Variants in NEK10 observed in about 807,000 individuals in gnomAD.
NEK10 encodes the protein NIMA related kinase 10, also known as serine/threonine-protein kinase Nek10.
In NEK10, 122 loss-of-function variants were observed where a neutral mutation model predicts 159.8. The observed-to-expected ratio is 0.76, with a 90% CI of 0.66 to 0.89. NEK10 has a LOEUF of 0.89. NEK10 is among the 40% of genes least tolerant of loss of function. The pLI is 0.00. For synonymous variants in NEK10, 466 were observed against 457.1 expected (o/e 1.02, Z -0.25); for missense variants, 1,342 against 1,323.1 (o/e 1.01, Z -0.22).
intron 5 of NEK10, among the ~76,000 whole-genome samples, chr3:27,326,191 G>A (rs1448699688): frequency 1.3e-5 from 2 of 152,208 alleles, no homozygotes; most frequent in Non-Finnish European, 1.5e-5. Context: ...CTAATACAGA[G>A]AGGATATCTT....
chr3:27,115,849 A>G (rs1940333271), intron 35 of NEK10, 91 bp downstream of exon 35: 3 of 928,446 alleles, frequency 3.2e-6, no homozygotes, highest in Middle Eastern at 3.4e-4. Flanking sequence ...CTGAAAAAAA[A>G]TCCCTCTGGA....
Position 27,111,152 on chromosome 3 carries a change from C to T in NEK10, c.*120G>A. ...GAAAGAAGTCCTGCAGGCCCCATGG[C>T]ATCTTGGTCTTTTCCACACCCTCTA... On this transcript the variant is annotated 3_prime_UTR_variant, in exon 36 of 36. Transcript: ENST00000691995. The T allele has an allele frequency of 1.2e-6, 1 of 843,992 alleles. No homozygotes were observed. Among genetic ancestry groups the T allele is most frequent in the Non-Finnish European group, 1.9e-6 (1 of 531,418 alleles). The allele number at this position is 843,992 out of a possible 1,614,324, so 52.3% of individuals were successfully genotyped here.
rs1944205241 is a variant in NEK10, at chr3:27,145,417, G to T, written c.2870-3835C>A. ...TATTAAAATAGTAAATTTGGCTAGT[G>T]TTTTAAAACTTAGAAGGAAACTACG... On this transcript the variant is annotated intron_variant, in intron 30 of 35. Coordinates refer to ENST00000691995, the MANE Select transcript of NEK10 (RefSeq NM_001394966.1). Among the ~76,000 whole-genome samples, 5 of 152,222 alleles carry T rather than the reference G, an allele frequency of 3.3e-5. No individual in the cohort carries two copies. The South Asian group carries it at 1.0e-3, about 32-fold the overall frequency.
At chr3:27,192,364 G>C (rs1949195628) in intron 25 of NEK10, 122 bp from the exon 26 acceptor site, 1 of 684,772 alleles carries the variant, frequency 1.5e-6, no homozygotes, top group African/African-American at 1.8e-5. Flanking sequence ...AAGATAACCT[G>C]GGATAAGATG....
At chr3:27,216,447 CT>C (rs1226702271) in intron 23 of NEK10, 1 of 152,226 alleles carries the variant, frequency 6.6e-6, no homozygotes. Flanking sequence ...TATATATGCC[CT>C]TGTATAGTCC....
rs1323691886 is a variant in NEK10, at chr3:27,253,004, A to T, written c.2090+3292T>A. 3 of 409,624 alleles carry T rather than the reference A, an allele frequency of 7.3e-6. No individual in the cohort carries two copies. In the East Asian group the frequency reaches 2.1e-4, roughly 29 times the overall value. 25.4% of individuals were successfully genotyped at this position (409,624 alleles called of 1,614,324 possible). A position where few individuals can be genotyped will look rare whatever the true frequency, so the allele number is the denominator to read the frequency against. On this transcript the variant is annotated intron_variant, in intron 23 of 35. Coordinates refer to ENST00000691995, the MANE Select transcript of NEK10 (RefSeq NM_001394966.1). The stretch of plus-strand genomic sequence containing the variant: ...CTTAAGAATTCTATCAACTTTATGT[A>T]TCAAAAAAATAATTTTTTTAAAAAT...
intron 22 of NEK10, among the ~76,000 whole-genome samples, chr3:27,264,273 T>A (rs1575508599): frequency 2.0e-5 from 3 of 152,264 alleles, no homozygotes; most frequent in Admixed American, 2.0e-4. Flanking sequence ...GAAGAGGGAA[T>A]ATTTCCCAAA....
In NEK10 at chr3:27,256,380, C is replaced by T. The variant is rs1956174369; in HGVS notation, c.2015-9G>A. ...TGCCAGGCCAAAGTCAGCTACAATT[C>T]ACAAAACAACGCAATATGTTACTAT... On this transcript the variant is annotated splice_polypyrimidine_tract_variant and intron_variant, in intron 22 of 35. Transcript: ENST00000691995. 12 of 1,547,134 alleles carry T rather than the reference C, an allele frequency of 7.8e-6. No individual in the cohort carries two copies. In the East Asian group the frequency reaches 2.8e-4, roughly 36 times the overall value.
At position 27,115,933 on chromosome 3, in the gene NEK10, C is replaced by T. The variant is rs1369482873; in HGVS notation, c.3299+7G>A. 1 of 1,604,258 alleles carries T rather than the reference C, an allele frequency of 6.2e-7. No individual in the cohort carries two copies. On this transcript the variant is annotated splice_region_variant and intron_variant, in intron 35 of 35. Coordinates refer to ENST00000691995, the MANE Select transcript of NEK10 (RefSeq NM_001394966.1). Reference sequence around the variant, plus strand: ...TTTCACAATTGAAGGCAAACTCTAGCTCTTACCTGTTAGATGTAAAATTGT... The same window carrying T: ...TTTCACAATTGAAGGCAAACTCTAGTTCTTACCTGTTAGATGTAAAATTGT...
chr3:27,163,477 G>A (rs1303625274), intron 29 of NEK10, among the ~76,000 whole-genome samples: 2 of 151,634 alleles, frequency 1.3e-5, no homozygotes, highest in Non-Finnish European at 2.9e-5. Context: ...TCAGCCTCCC[G>A]AGTAGCTGGG....
intron 32 of NEK10, among the ~76,000 whole-genome samples, chr3:27,128,204 A>G (rs1003749316): frequency 6.6e-6 from 1 of 152,166 alleles, no homozygotes; most frequent in African/African-American, 2.4e-5. Flanking sequence ...TTCCAACAAC[A>G]CTTTATTTAC....
chr3:27,235,952 T>C (rs1953863166), intron 23 of NEK10, among the ~76,000 whole-genome samples: 1 of 152,180 alleles, frequency 6.6e-6, no homozygotes, highest in Non-Finnish European at 1.5e-5. Flanking sequence ...ATATACACCA[T>C]GGAATACTAT....
intron 25 of NEK10, chr3:27,194,659 A>T (rs1450492578): frequency 6.6e-6 from 1 of 152,238 alleles, no homozygotes; most frequent in East Asian, 1.9e-4. Context: ...TGAAAAATAT[A>T]AAGATCCATT....
chr3:27,197,332 G>A (rs1436435493), intron 25 of NEK10, among the ~76,000 whole-genome samples: 2 of 151,534 alleles, frequency 1.3e-5, no homozygotes, highest in Non-Finnish European at 2.9e-5. Context: ...CACACCACCA[G>A]GCCTGGCTAA....
intron 23 of NEK10, chr3:27,215,078 C>A (rs1460913064): frequency 1.1e-5 from 6 of 539,096 alleles, no homozygotes; most frequent in African/African-American, 1.9e-5. Context: ...CCAACCCCTG[C>A]AAGTCTCGCG....
intron 11 of NEK10, among the ~76,000 whole-genome samples, chr3:27,306,022 C>A (rs1343632387): frequency 6.6e-6 from 1 of 152,112 alleles, no homozygotes; most frequent in Non-Finnish European, 1.5e-5. Context: ...TCCATACTAC[C>A]CCTAAACTCA....
At chr3:27,243,421 T>C (rs1224424469) in intron 23 of NEK10, among the ~76,000 whole-genome samples, 3 of 152,120 alleles carry the variant, frequency 2.0e-5, no homozygotes, top group African/African-American at 4.8e-5. Flanking sequence ...CCTAATATGG[T>C]AATTTCACTT....
intron 1 of NEK10, among the ~76,000 whole-genome samples, chr3:27,365,664 G>T (rs1163609524): frequency 7.4e-6 from 1 of 135,994 alleles, no homozygotes; most frequent in Non-Finnish European, 1.5e-5. Context: ...CCACGGTGGA[G>T]TGCAGTAGCA....
intron 23 of NEK10, among the ~76,000 whole-genome samples, chr3:27,208,484 G>T (rs1385424333): frequency 6.6e-6 from 1 of 152,164 alleles, no homozygotes; most frequent in Non-Finnish European, 1.5e-5. Flanking sequence ...GAGGAGTAAA[G>T]GGATTGAGCC....
Sources: gnomAD v4.1 joint callset for allele counts (sites outside exome capture counted in the v4.1 genomes callset) on GRCh38, gnomAD v4.1.1 for gene constraint, MANE v1.5 for transcripts, NCBI Gene and HGNC (gene_info 2026-07-23, HGNC 2026-07-21) for gene names.